Variants in EML4 observed in about 807,000 individuals in gnomAD.
The protein encoded by EML4 is EMAP like 4, also known as echinoderm microtubule-associated protein-like 4.
In EML4, 72 loss-of-function variants were observed where a neutral mutation model predicts 129.0. That is an observed-to-expected ratio of 0.56 (90% CI 0.46 to 0.68). The LOEUF is 0.68. EML4 is among the 30% of genes least tolerant of loss of function. EML4 has a pLI of 0.00. For missense variants in EML4, 1,363 were observed against 1,190.6 expected (o/e 1.14, Z -2.13); for synonymous variants, 532 against 405.0 (o/e 1.31, Z -3.77).
intron 1 of EML4, among the ~76,000 whole-genome samples, chr2:42,203,570 C>G (rs1672360504): frequency 6.6e-6 from 1 of 151,570 alleles, no homozygotes; most frequent in Admixed American, 6.6e-5. Context: ...TACAAGATGG[C>G]TAGTCTGGAA....
Position 42,281,120 on chromosome 2 carries a change from G to A in EML4, c.791+147G>A, listed in dbSNP as rs1020309469. The stretch of plus-strand genomic sequence containing the variant: ...TTAAAAAGGAAACATCAGGCCAGGC[G>A]CGGTGGTTCACGCTGGTAATCCTAG... On this transcript the variant is annotated intron_variant, in intron 7 of 22. Transcript: ENST00000318522. 20 of 680,714 alleles carry A rather than the reference G, an allele frequency of 2.9e-5. 1 individual carries two copies. The highest frequency in any genetic ancestry group is 1.4e-4 in the Admixed American group (4 of 28,904). 42.2% of individuals were successfully genotyped at this position (680,714 alleles called of 1,614,324 possible).
chr2:42,319,208 C>A (rs954470942), intron 19 of EML4, among the ~76,000 whole-genome samples: 1 of 152,130 alleles, frequency 6.6e-6, no homozygotes, highest in African/African-American at 2.4e-5. Flanking sequence ...TCTACTAACT[C>A]TTAGTAGAGC....
chr2:42,249,329 C>T (rs763908398), intron 2 of EML4, among the ~76,000 whole-genome samples: 20 of 150,932 alleles, frequency 1.3e-4, no homozygotes, highest in Non-Finnish European at 2.2e-4. Flanking sequence ...TTTATAGTAT[C>T]GAGTATCACA....
chr2:42,226,867 CAATT>C (rs1486322141), intron 1 of EML4, among the ~76,000 whole-genome samples: 1 of 151,530 alleles, frequency 6.6e-6, no homozygotes, highest in Non-Finnish European at 1.5e-5. Flanking sequence ...TTTTACTTGT[CAATT>C]AAAAAGTAAA....
intron 1 of EML4, among the ~76,000 whole-genome samples, chr2:42,210,574 T>TA (rs1330770412): frequency 1.3e-5 from 2 of 152,234 alleles, no homozygotes; most frequent in Non-Finnish European, 2.9e-5. Context: ...GGTGTGGAGT[T>TA]ATGCTTCACT....
At chr2:42,228,696 G>A (rs541606204) in intron 1 of EML4, among the ~76,000 whole-genome samples, 1 of 152,218 alleles carries the variant, frequency 6.6e-6, no homozygotes, top group South Asian at 2.1e-4. Context: ...GGTAAAAATT[G>A]ACTGACTTTC....
intron 19 of EML4, among the ~76,000 whole-genome samples, chr2:42,324,908 G>C (rs897320104): frequency 3.3e-5 from 5 of 152,122 alleles, no homozygotes; most frequent in Non-Finnish European, 7.4e-5. Flanking sequence ...ATTTTATTGA[G>C]ACCTACTGTT....
At chr2:42,263,737 A>C (rs1315712760) in intron 5 of EML4, among the ~76,000 whole-genome samples, 1 of 134,938 alleles carries the variant, frequency 7.4e-6, no homozygotes, top group African/African-American at 2.8e-5. Context: ...CTGTATTATA[A>C]TTTATACTTC....
chr2:42,202,651 A>G (rs1672299876), intron 1 of EML4, among the ~76,000 whole-genome samples: 1 of 152,194 alleles, frequency 6.6e-6, no homozygotes, highest in Non-Finnish European at 1.5e-5. Context: ...AGAAGACTAC[A>G]TCAGTCTAGT....
chr2:42,242,866 T>G (rs543593227), intron 1 of EML4, among the ~76,000 whole-genome samples: 6 of 152,168 alleles, frequency 3.9e-5, no homozygotes, highest in Non-Finnish European at 8.8e-5. Context: ...AACCCATCTT[T>G]GACTGGGTTT....
intron 1 of EML4, among the ~76,000 whole-genome samples, chr2:42,206,097 G>A (rs1047573845): frequency 6.6e-6 from 1 of 152,096 alleles, no homozygotes; most frequent in Non-Finnish European, 1.5e-5. Flanking sequence ...GTAAGTAAAC[G>A]TTTGTACGAC....
In EML4 at chr2:42,200,926, C is replaced by A. The variant is rs1381454333; in HGVS notation, c.25+31290C>A. ...GTTTATTCCAAGTCTTTTCCACTTCCCCTGTTCTCCATGGGCTGCCTGCTG... is the reference window on the plus strand; with the variant it reads ...GTTTATTCCAAGTCTTTTCCACTTCACCTGTTCTCCATGGGCTGCCTGCTG... On this transcript the variant is annotated intron_variant, in intron 1 of 22. Transcript: ENST00000318522. Among the ~76,000 whole-genome samples the A allele has an allele frequency of 2.0e-5, 3 of 152,234 alleles. No homozygotes were observed. The East Asian group carries it at 5.8e-4, about 29-fold the overall frequency.
chr2:42,281,674 C>G (rs895943595), intron 7 of EML4, among the ~76,000 whole-genome samples: 1 of 152,198 alleles, frequency 6.6e-6, no homozygotes, highest in African/African-American at 2.4e-5. Flanking sequence ...AAGAAAACAT[C>G]AGTTAAGCAT....
At chr2:42,217,958 C>T (rs1243423651) in intron 1 of EML4, among the ~76,000 whole-genome samples, 2 of 152,092 alleles carry the variant, frequency 1.3e-5, no homozygotes, top group Admixed American at 6.5e-5. Context: ...TTATGGGTCT[C>T]AGTCAGATAT....
intron 13 of EML4, among the ~76,000 whole-genome samples, chr2:42,296,232 C>A (rs1316045493): frequency 6.6e-6 from 1 of 151,962 alleles, no homozygotes; most frequent in Non-Finnish European, 1.5e-5. Flanking sequence ...AATTGGAGAC[C>A]TGGTTCTAAA....
intron 19 of EML4, among the ~76,000 whole-genome samples, chr2:42,318,697 TTTTTG>T (rs1326396074): frequency 6.6e-6 from 1 of 151,222 alleles, no homozygotes; most frequent in Non-Finnish European, 1.5e-5. Flanking sequence ...CCCCCAATTT[TTTTTG>T]TTTTGTTTTG....
chr2:42,328,854 T>C (rs759960628), intron 21 of EML4, 32 bp from the exon 22 acceptor site: 1 of 1,555,746 alleles, frequency 6.4e-7, no homozygotes, highest in South Asian at 1.2e-5. Context: ...CTTCAGCTAA[T>C]TTTTCTGCAT....
chr2:42,282,079 T>C (rs1667043161), intron 7 of EML4, among the ~76,000 whole-genome samples: 1 of 152,048 alleles, frequency 6.6e-6, no homozygotes, highest in South Asian at 2.1e-4. Context: ...GTCCCTCCCT[T>C]CTCTCTCTTT....
chr2:42,200,500 G>T (rs533930998), intron 1 of EML4, among the ~76,000 whole-genome samples: 17 of 152,320 alleles, frequency 1.1e-4, no homozygotes, highest in African/African-American at 4.1e-4. Flanking sequence ...TATTGTGGTT[G>T]TCAGGCATAT....
Sources: allele counts gnomAD v4.1 joint callset (sites outside exome capture counted in the v4.1 genomes callset), GRCh38; gene constraint gnomAD v4.1.1; transcripts MANE v1.5; gene names NCBI Gene and HGNC (gene_info 2026-07-23, HGNC 2026-07-21).